Variants in COL28A1 observed in about 807,000 individuals in gnomAD.
The protein encoded by COL28A1 is collagen type XXVIII alpha 1 chain, also known as collagen alpha-1(XXVIII) chain.
A neutral mutation model predicts 150.2 loss-of-function variants in COL28A1; 161 were observed. The ratio of observed to expected loss-of-function variants is 1.07; its 90% CI spans 0.94 to 1.22. The LOEUF (loss-of-function observed/expected upper bound fraction) is 1.22. COL28A1 is among the 50% of genes most tolerant of loss of function. The probability of loss-of-function intolerance (pLI) is 0.00; values close to 1 mark genes in which losing one functional copy is unlikely to be tolerated. For missense variants in COL28A1, 1,617 were observed against 1,388.3 expected (o/e 1.16, Z -2.62); for synonymous variants, 552 against 469.7 (o/e 1.18, Z -2.26).
chr7:7,411,871 C>T (rs187123831), intron 27 of COL28A1, among the ~76,000 whole-genome samples: 1 of 152,120 alleles, frequency 6.6e-6, no homozygotes, highest in Non-Finnish European at 1.5e-5. Flanking sequence ...GGTGTCTGTG[C>T]CCACAGTATC....
chr7:7,494,996 C>T (rs748675809), intron 11 of COL28A1, among the ~76,000 whole-genome samples: 5 of 152,014 alleles, frequency 3.3e-5, no homozygotes, highest in Admixed American at 2.0e-4. Flanking sequence ...GTCAGCAGCC[C>T]GTGAGCCCAA....
intron 33 of COL28A1, among the ~76,000 whole-genome samples, chr7:7,364,740 C>T (rs1028158539): frequency 6.6e-6 from 1 of 152,146 alleles, no homozygotes. Flanking sequence ...TTCCTCCCCT[C>T]CACTATCTTG....
chr7:7,338,246 T>C, the COL28A1 span, among the ~76,000 whole-genome samples: 3 of 152,092 alleles, frequency 2.0e-5, no homozygotes, highest in Non-Finnish European at 2.9e-5. Context: ...TGAAAAATGA[T>C]GTTGGTAGTT....
intron 27 of COL28A1, among the ~76,000 whole-genome samples, chr7:7,415,053 C>A (rs909749277): frequency 5.9e-5 from 9 of 152,216 alleles, no homozygotes; most frequent in Non-Finnish European, 1.0e-4. Flanking sequence ...GAATGAATGA[C>A]TGGCTGAAGA....
chr7:7,410,830 C>T (rs1783749564), intron 27 of COL28A1, among the ~76,000 whole-genome samples: 1 of 152,072 alleles, frequency 6.6e-6, no homozygotes, highest in Admixed American at 6.6e-5. Flanking sequence ...CTTTTTAACC[C>T]TTCTGCAGGT....
intron 7 of COL28A1, among the ~76,000 whole-genome samples, chr7:7,517,540 C>G (rs536793776): frequency 1.3e-5 from 2 of 152,110 alleles, no homozygotes; most frequent in Non-Finnish European, 1.5e-5. Context: ...AGCCTTTCAC[C>G]AATGTCAAAT....
intron 5 of COL28A1, among the ~76,000 whole-genome samples, chr7:7,521,294 C>A (rs1374006529): frequency 6.6e-5 from 10 of 152,160 alleles, no homozygotes; most frequent in Non-Finnish European, 1.5e-4. Context: ...ATGGCACCTA[C>A]CAGTTATTAG....
intron 27 of COL28A1, among the ~76,000 whole-genome samples, chr7:7,398,453 T>C (rs1782973054): frequency 6.6e-6 from 1 of 152,238 alleles, no homozygotes; most frequent in African/African-American, 2.4e-5. Context: ...TTAACTATGT[T>C]GATTGCTTCA....
chr7:7,460,985 G>A (rs1294971281), intron 15 of COL28A1, among the ~76,000 whole-genome samples: 1 of 152,168 alleles, frequency 6.6e-6, no homozygotes, highest in Non-Finnish European at 1.5e-5. Flanking sequence ...GCTCTAGAAC[G>A]ACTGCAGGAA....
chr7:7,517,575 T>C (rs1259697767), intron 7 of COL28A1, among the ~76,000 whole-genome samples: 7 of 152,160 alleles, frequency 4.6e-5, no homozygotes, highest in Non-Finnish European at 1.0e-4. Flanking sequence ...TTTGATAGGG[T>C]TGAACACTCC....
intron 27 of COL28A1, among the ~76,000 whole-genome samples, chr7:7,403,514 A>G (rs894041133): frequency 1.3e-5 from 2 of 152,218 alleles, no homozygotes; most frequent in Non-Finnish European, 2.9e-5. Context: ...TTTATTAAAA[A>G]GTACATTCCA....
At chr7:7,455,956 T>C (rs148995281) in intron 16 of COL28A1, 88 bp downstream of exon 16, 161 of 1,553,476 alleles carry the variant, frequency 1.0e-4, no homozygotes, top group African/African-American at 1.2e-4. Flanking sequence ...AATATACTCA[T>C]AGATGTTTGC....
intron 18 of COL28A1, among the ~76,000 whole-genome samples, chr7:7,447,127 G>T (rs757765822): frequency 6.6e-6 from 1 of 152,148 alleles, no homozygotes; most frequent in Non-Finnish European, 1.5e-5. Context: ...ATTAACCCTA[G>T]ACTAAATGTT....
chr7:7,471,367 T>C (rs2128347257), intron 15 of COL28A1, among the ~76,000 whole-genome samples: 1 of 152,312 alleles, frequency 6.6e-6, no homozygotes, highest in South Asian at 2.1e-4. Flanking sequence ...TGAATCATTC[T>C]ATGAAGCCAG....
At chr7:7,539,500 G>A (rs1050536251), upstream of COL28A1, among the ~76,000 whole-genome samples, 3 of 152,150 alleles carry the variant, frequency 2.0e-5, no homozygotes, top group Non-Finnish European at 4.4e-5. Flanking sequence ...ACTTCCAACA[G>A]TGGGGATGAA....
At chr7:7,478,429 C>A (rs534458970) in intron 13 of COL28A1, among the ~76,000 whole-genome samples, 73 of 152,338 alleles carry the variant, frequency 4.8e-4, no homozygotes, top group African/African-American at 1.7e-3. Context: ...ATCCCTTAGC[C>A]GGACATAAAG....
At chr7:7,439,438 A>C (rs1453346686) in intron 21 of COL28A1, among the ~76,000 whole-genome samples, 2 of 152,214 alleles carry the variant, frequency 1.3e-5, no homozygotes, top group African/African-American at 2.4e-5. Context: ...CCAAAGGAAA[A>C]TCAAAATTAT....
Position 7,370,833 on chromosome 7 carries a change from G to C in COL28A1, c.2958C>G (p.Ser986=). 6.2e-7 allele frequency: 1 copy of C among 1,613,098 alleles called. No individual in the cohort carries two copies. Among genetic ancestry groups the C allele is most frequent in the Middle Eastern group, 1.7e-4 (1 of 6,058 alleles). ...LFQKICEDFD[S]YLVQIFGSSS... is the part of the protein sequence containing the mutation. ...ATGAACCAAAAATTTGAACGAGATA[G>C]GAATCAAAATCCTCACAAATTTTTT... The change falls in exon 33 of 35, where the codon TCC becomes TCG. Residue 986 remains serine, a synonymous_variant. Transcript: ENST00000399429.
chr7:7,343,412 T>C, the COL28A1 span, among the ~76,000 whole-genome samples: 1 of 152,074 alleles, frequency 6.6e-6, no homozygotes, highest in Non-Finnish European at 1.5e-5. Context: ...TCTTCATCTT[T>C]TTCCTTGCTG....
Sources: allele counts gnomAD v4.1 joint callset (sites outside exome capture counted in the v4.1 genomes callset), GRCh38; gene constraint gnomAD v4.1.1; transcripts MANE v1.5; gene names NCBI Gene and HGNC (gene_info 2026-07-23, HGNC 2026-07-21).